Variants in HECW2 observed in about 807,000 individuals in gnomAD.
The protein encoded by HECW2 is HECT, C2 and WW domain containing E3 ubiquitin protein ligase 2, also known as E3 ubiquitin-protein ligase HECW2.
In HECW2, 61 loss-of-function variants were observed where a neutral mutation model predicts 175.2. The ratio of observed to expected loss-of-function variants is 0.35; its 90% CI spans 0.28 to 0.43. The LOEUF is 0.43. HECW2 is among the 20% of genes least tolerant of loss of function. The pLI is 1.00. For missense variants in HECW2, 1,524 were observed against 2,000.5 expected, an observed-to-expected ratio of 0.76 and a Z score of 4.54; for synonymous variants, 671 against 731.0, an observed-to-expected ratio of 0.92 and a Z score of 1.32.
chr2:196,286,513 T>C (rs969173764), intron 14 of HECW2, among the ~76,000 whole-genome samples: 3 of 151,940 alleles, frequency 2.0e-5, no homozygotes, highest in East Asian at 1.9e-4. Context: ...TACTCAGAAA[T>C]TTATTCATAA....
At chr2:196,566,691 C>T (rs1018390497) in intron 1 of HECW2, among the ~76,000 whole-genome samples, 13 of 145,282 alleles carry the variant, frequency 8.9e-5, no homozygotes, top group African/African-American at 3.3e-4. Context: ...AGCCACCACA[C>T]CCAGCTAATT....
intron 8 of HECW2, among the ~76,000 whole-genome samples, 184 bp from the exon 9 acceptor site, chr2:196,320,088 C>CTA (rs2105760988): frequency 6.6e-6 from 1 of 152,288 alleles, no homozygotes; most frequent in African/African-American, 2.4e-5. Context: ...GGCACAGGAG[C>CTA]TATGTATGTT....
chr2:196,318,681 A>T lies in HECW2; in HGVS notation c.2209T>A (p.Trp737Arg), dbSNP rs1219286409. ...CCCTCCAGGCTCCCCCTCCGCTGCC[A>T]GACCTCCCCCAGCTCCTCCTGGTCA... ...VPDQEELGEV[W>R]QRRGSLEGAA... is the part of the protein sequence containing the mutation. Residue 737 changes from tryptophan (W) to arginine (R), a missense_variant, in exon 9 of 29, where the codon TGG (tryptophan) becomes AGG (arginine). Trp to Arg is a moderately radical substitution (Grantham distance 101). Around this residue, in one of 11 missense-constraint regions of HECW2, gnomAD observed 604 missense variants for 588.3 expected, o/e 1.03. Transcript: ENST00000644978. The T allele has an allele frequency of 6.3e-7, 1 of 1,595,772 alleles. No homozygotes were observed. Among genetic ancestry groups the T allele is most frequent in the East Asian group, 2.2e-5 (1 of 44,446 alleles).
chr2:196,482,984 C>T (rs895192901), intron 1 of HECW2, among the ~76,000 whole-genome samples: 2 of 151,410 alleles, frequency 1.3e-5, no homozygotes, highest in East Asian at 3.9e-4. Context: ...AGCTACAACT[C>T]GTTGGCTTAC....
intron 10 of HECW2, among the ~76,000 whole-genome samples, chr2:196,313,207 AAAAG>A (rs1691564378): frequency 6.6e-6 from 1 of 152,202 alleles, no homozygotes; most frequent in African/African-American, 2.4e-5. Context: ...CAATAAGAGA[AAAAG>A]AAAATAGTTT....
chr2:196,309,003 A>T (rs187765246), intron 10 of HECW2, among the ~76,000 whole-genome samples: 1 of 152,356 alleles, frequency 6.6e-6, no homozygotes. Context: ...ATTTTTTGAA[A>T]TTAATAAGCA....
chr2:196,439,056 T>A (rs999708210), intron 1 of HECW2, among the ~76,000 whole-genome samples: 19 of 152,326 alleles, frequency 1.2e-4, no homozygotes, highest in African/African-American at 3.6e-4. Context: ...AGTACATAAA[T>A]CAGTAGCTGT....
At chr2:196,206,968 AT>A (rs1173529840) in intron 28 of HECW2, among the ~76,000 whole-genome samples, 3 of 152,156 alleles carry the variant, frequency 2.0e-5, no homozygotes, top group Non-Finnish European at 4.4e-5. Flanking sequence ...GGCTTGAAAG[AT>A]TTGTAGGTGT....
chr2:196,348,443 G>C (rs951266983), intron 2 of HECW2, among the ~76,000 whole-genome samples: 7 of 151,856 alleles, frequency 4.6e-5, no homozygotes, highest in African/African-American at 1.5e-4. Context: ...AGAAGTTTGA[G>C]ACCAGCCTGG....
chr2:196,432,167 G>A (rs1695732718), intron 2 of HECW2, among the ~76,000 whole-genome samples: 1 of 152,070 alleles, frequency 6.6e-6, no homozygotes, highest in Non-Finnish European at 1.5e-5. Context: ...TCCTCTAGGG[G>A]GCAAAATCTT....
intron 1 of HECW2, among the ~76,000 whole-genome samples, chr2:196,516,154 A>C (rs1367228898): frequency 6.6e-6 from 1 of 152,114 alleles, no homozygotes; most frequent in African/African-American, 2.4e-5. Flanking sequence ...AAAACAAAAC[A>C]AAACAAAAAC....
chr2:196,428,925 T>A (rs1411829905), intron 2 of HECW2, among the ~76,000 whole-genome samples: 1 of 152,184 alleles, frequency 6.6e-6, no homozygotes, highest in South Asian at 2.1e-4. Flanking sequence ...TTCCCACATA[T>A]AACATGAACT....
rs574601558 is a variant in HECW2, at chr2:196,317,339, C to G, written c.2369G>C (p.Arg790Pro). Residue 790 changes from arginine to proline, a missense_variant, in exon 10 of 29, where the codon CGA (arginine) becomes CCA (proline). Transcript: ENST00000644978. ...GSQANGHQPL[R>P]SLPSVRQDVS... The stretch of plus-strand genomic sequence containing the variant: ...ATCCTGGCGCACTGAAGGTAGTGAT[C>G]GCAGTGGCTGGTGGCCGTTGGCTTG... The G allele has an allele frequency of 6.2e-7, 1 of 1,613,244 alleles. No individual in the cohort carries two copies. The highest frequency in any genetic ancestry group is 8.5e-7 in the Non-Finnish European group (1 of 1,179,730).
intron 17 of HECW2, among the ~76,000 whole-genome samples, chr2:196,265,128 G>A (rs1419919615): frequency 1.4e-4 from 21 of 152,066 alleles, no homozygotes; most frequent in Admixed American, 1.1e-3. Flanking sequence ...TTAGAGTAAC[G>A]CTCCCTGTAG....
intron 1 of HECW2, among the ~76,000 whole-genome samples, chr2:196,549,607 T>C (rs1341140425): frequency 2.6e-5 from 4 of 152,052 alleles, no homozygotes; most frequent in Non-Finnish European, 5.9e-5. Context: ...TTTTTTTTTT[T>C]TAACATCCCC....
intron 11 of HECW2, 126 bp from the exon 12 acceptor site, chr2:196,307,359 C>T (rs1470057505): frequency 1.1e-5 from 6 of 540,982 alleles, no homozygotes; most frequent in South Asian, 3.3e-5. Context: ...AACCCCCATT[C>T]CCTGGACTTC....
intron 2 of HECW2, among the ~76,000 whole-genome samples, chr2:196,428,122 CAG>C (rs1695601937): frequency 1.3e-5 from 2 of 152,138 alleles, no homozygotes; most frequent in Admixed American, 6.6e-5. Context: ...AATCAAAATG[CAG>C]AGTGTGCCAA....
At chr2:196,538,353 C>G (rs550474031) in intron 1 of HECW2, among the ~76,000 whole-genome samples, 7 of 152,276 alleles carry the variant, frequency 4.6e-5, no homozygotes, top group Admixed American at 2.0e-4. Flanking sequence ...ACAAGCAGTT[C>G]TGGATCACAC....
At chr2:196,308,362 G>GTATGA (rs1691349459) in intron 10 of HECW2, among the ~76,000 whole-genome samples, 1 of 152,016 alleles carries the variant, frequency 6.6e-6, no homozygotes, top group Non-Finnish European at 1.5e-5. Context: ...CACCCTTCAC[G>GTATGA]TATGAGCCCC....
Sources: allele counts gnomAD v4.1 joint callset (sites outside exome capture counted in the v4.1 genomes callset), GRCh38; gene constraint gnomAD v4.1.1; regional missense constraint gnomAD v4.1.1; transcripts MANE v1.5; gene names NCBI Gene and HGNC (gene_info 2026-07-23, HGNC 2026-07-21).